The following NECTIN3 variants were observed in gnomAD, a reference collection of about 807,000 sequenced individuals.
NECTIN3 encodes nectin-3.
A neutral mutation model predicts 49.4 loss-of-function variants in NECTIN3; 8 were observed. The ratio of observed to expected loss-of-function variants is 0.16; its 90% CI spans 0.10 to 0.29. NECTIN3 has a LOEUF of 0.29. Among genes scored for constraint, NECTIN3 ranks in the 10% least tolerant of loss-of-function variants. The pLI, the probability that NECTIN3 is intolerant of heterozygous loss-of-function variation, is 1.00. For missense variants in NECTIN3, 581 were observed against 654.6 expected, an observed-to-expected ratio of 0.89 and a Z score of 1.23; for synonymous variants, 277 against 241.1, an observed-to-expected ratio of 1.15 and a Z score of -1.38.
At chr3:111,168,519 G>A (rs929910387) in intron 7 of NECTIN3, among the ~76,000 whole-genome samples, 1 of 151,930 alleles carries the variant, frequency 6.6e-6, no homozygotes, top group African/African-American at 2.4e-5. Flanking sequence ...TATCCTATTA[G>A]AATACAGTAG....
chr3:111,146,849 T>C (rs1406502305), intron 6 of NECTIN3, among the ~76,000 whole-genome samples: 2 of 152,308 alleles, frequency 1.3e-5, no homozygotes, highest in African/African-American at 4.8e-5. Context: ...GATTTTCTGA[T>C]AGCTCATGTA....
intron 3 of NECTIN3, among the ~76,000 whole-genome samples, chr3:111,120,025 A>ACTACCATTG (rs1453361834): frequency 6.6e-6 from 1 of 152,202 alleles, no homozygotes; most frequent in Non-Finnish European, 1.5e-5. Flanking sequence ...AAAAAATGTT[A>ACTACCATTG]CTACCATTGC....
At chr3:111,128,994 C>G (rs934859855) in intron 5 of NECTIN3, among the ~76,000 whole-genome samples, 2 of 152,164 alleles carry the variant, frequency 1.3e-5, no homozygotes, top group African/African-American at 4.8e-5. Context: ...TTACAGAGCC[C>G]TTCTTCCAGA....
intron 7 of NECTIN3, among the ~76,000 whole-genome samples, chr3:111,179,897 A>C (rs1382837943): frequency 1.3e-5 from 2 of 152,052 alleles, no homozygotes; most frequent in Non-Finnish European, 2.9e-5. Context: ...TCTCAAAAAA[A>C]AAAAAAAAGA....
intron 7 of NECTIN3, among the ~76,000 whole-genome samples, chr3:111,180,059 A>G (rs2035599955): frequency 6.6e-6 from 1 of 152,216 alleles, no homozygotes; most frequent in African/African-American, 2.4e-5. Context: ...TTAATAATAC[A>G]GCAACCCCAT....
intron 1 of NECTIN3, among the ~76,000 whole-genome samples, chr3:111,084,585 C>T (rs2031819644): frequency 6.6e-6 from 1 of 151,816 alleles, no homozygotes; most frequent in African/African-American, 2.4e-5. Context: ...GATAGGGTGT[C>T]TGAAAGTTTG....
At chr3:111,127,289 C>T (rs2034201282) in intron 5 of NECTIN3, among the ~76,000 whole-genome samples, 1 of 152,004 alleles carries the variant, frequency 6.6e-6, no homozygotes, top group South Asian at 2.1e-4. Flanking sequence ...GTGATCAGTC[C>T]AAGAAAAGTA....
intron 1 of NECTIN3, among the ~76,000 whole-genome samples, chr3:111,101,954 A>G (rs2032929127): frequency 1.3e-5 from 2 of 152,136 alleles, no homozygotes; most frequent in Admixed American, 6.6e-5. Flanking sequence ...TTCTCAGCTT[A>G]TGAAAAGATG....
At chr3:111,171,407 A>G (rs759226134) in intron 7 of NECTIN3, among the ~76,000 whole-genome samples, 9 of 152,212 alleles carry the variant, frequency 5.9e-5, no homozygotes, top group Non-Finnish European at 8.8e-5. Flanking sequence ...CATAGTCCTG[A>G]GGGACTACTT....
At chr3:111,133,486 C>A in intron 5 of NECTIN3, 149 bp from the exon 6 acceptor site, 1 of 1,199,780 alleles carries the variant, frequency 8.3e-7, no homozygotes, top group South Asian at 1.7e-5. Context: ...CCACTACATT[C>A]TAATCTTAAT....
At chr3:111,114,093 A>G (rs1198349385) in intron 2 of NECTIN3, among the ~76,000 whole-genome samples, 1 of 152,190 alleles carries the variant, frequency 6.6e-6, no homozygotes, top group African/African-American at 2.4e-5. Context: ...TTCCCTCTCA[A>G]TTAATACAAT....
At chr3:111,139,292 A>G (rs1018082611), downstream of NECTIN3, among the ~76,000 whole-genome samples, 1 of 151,746 alleles carries the variant, frequency 6.6e-6, no homozygotes, top group African/African-American at 2.4e-5. Context: ...CTTTCCAAAT[A>G]TGATCCATTC....
At chr3:111,153,163 A>G (rs116684006) in intron 7 of NECTIN3, among the ~76,000 whole-genome samples, 2,043 of 151,988 alleles carry the variant, frequency 0.013, 52 homozygotes, top group African/African-American at 0.047. Context: ...TGAGTAGAAA[A>G]ATGTTTTCGT....
chr3:111,190,385 T>G (rs746974568), upstream of NECTIN3, among the ~76,000 whole-genome samples: 3 of 152,238 alleles, frequency 2.0e-5, no homozygotes, highest in Non-Finnish European at 4.4e-5. Flanking sequence ...CTATTTTTAT[T>G]GCACAAACCC....
intron 7 of NECTIN3, among the ~76,000 whole-genome samples, chr3:111,164,017 A>G (rs141551238): frequency 3.3e-5 from 5 of 151,802 alleles, no homozygotes; most frequent in Non-Finnish European, 5.9e-5. Context: ...AAGAATTACT[A>G]TTTGTGATAC....
intron 7 of NECTIN3, among the ~76,000 whole-genome samples, chr3:111,150,529 T>C: frequency 6.6e-6 from 1 of 151,972 alleles, no homozygotes; most frequent in East Asian, 1.9e-4. Context: ...ATGCATAAAG[T>C]ACTTGTATGA....
intron 1 of NECTIN3, among the ~76,000 whole-genome samples, chr3:111,097,871 A>G (rs1158320645): frequency 6.6e-6 from 1 of 152,184 alleles, no homozygotes; most frequent in African/African-American, 2.4e-5. Flanking sequence ...AAATGGACGA[A>G]TACACATATA....
chr3:111,191,896 A>G (rs565836309), upstream of NECTIN3, among the ~76,000 whole-genome samples: 1 of 152,318 alleles, frequency 6.6e-6, no homozygotes, highest in Non-Finnish European at 1.5e-5. Context: ...CAGTGGTACA[A>G]TCATGGCTCA....
chr3:111,143,721 T>C (rs987466676), intron 5 of NECTIN3, among the ~76,000 whole-genome samples: 1 of 151,934 alleles, frequency 6.6e-6, no homozygotes, highest in East Asian at 1.9e-4. Context: ...TCTTCATTAG[T>C]CGGCGTTATA....
Sources: gnomAD v4.1 joint callset for allele counts (sites outside exome capture counted in the v4.1 genomes callset) on GRCh38, gnomAD v4.1.1 for gene constraint, MANE v1.5 for transcripts, NCBI Gene and HGNC (gene_info 2026-07-23, HGNC 2026-07-21) for gene names.